GPM6A: variants seen among roughly 807,000 people sequenced by gnomAD.
GPM6A encodes the protein neuronal membrane glycoprotein M6-a.
GPM6A carries 7 observed loss-of-function variants against 32.1 expected under a neutral mutation model. The observed-to-expected ratio is 0.22, with a 90% CI of 0.12 to 0.41. GPM6A has a LOEUF of 0.41. Ranked by LOEUF, GPM6A falls within the 10% of genes least tolerant of loss-of-function variation. The pLI is 1.00. For synonymous variants in GPM6A, 130 were observed against 123.4 expected, an observed-to-expected ratio of 1.05 and a Z score of -0.35; for missense variants, 235 against 347.2, an observed-to-expected ratio of 0.68 and a Z score of 2.57.
At chr4:175,747,691 G>A (rs1393314806) in intron 1 of GPM6A, among the ~76,000 whole-genome samples, 1 of 152,172 alleles carries the variant, frequency 6.6e-6, no homozygotes, top group Admixed American at 6.6e-5. Flanking sequence ...TTTGCTGGTG[G>A]AGGGGCTTGC....
intron 1 of GPM6A, among the ~76,000 whole-genome samples, chr4:175,828,676 G>A (rs185742212): frequency 2.0e-3 from 304 of 152,146 alleles, no homozygotes; most frequent in Non-Finnish European, 3.7e-3. Context: ...ATCTGTGGAT[G>A]AACATTTGAA....
At chr4:175,721,587 G>A (rs1398788828) in intron 1 of GPM6A, among the ~76,000 whole-genome samples, 1 of 152,120 alleles carries the variant, frequency 6.6e-6, no homozygotes, top group Non-Finnish European at 1.5e-5. Flanking sequence ...ATAGTTTAAT[G>A]TTTTCCTCAA....
intron 1 of GPM6A, among the ~76,000 whole-genome samples, chr4:175,992,059 T>TACAC (rs1741164479): frequency 4.4e-5 from 2 of 45,288 alleles, no homozygotes; most frequent in South Asian, 6.4e-4. Context: ...CAAACACACA[T>TACAC]GCACACACAC....
intron 1 of GPM6A, among the ~76,000 whole-genome samples, chr4:175,919,846 C>T (rs1488737520): frequency 6.6e-6 from 1 of 152,146 alleles, no homozygotes; most frequent in Non-Finnish European, 1.5e-5. Flanking sequence ...CTCAGGACTC[C>T]CCTGTAATGG....
In GPM6A at chr4:175,636,260, G is replaced by GTATATATATA. The variant is rs34516159; in HGVS notation, c.685-1213_685-1204dup. Among the ~76,000 whole-genome samples the GTATATATATA allele has an allele frequency of 9.9e-3, 995 of 100,984 alleles. 59 individuals are homozygous for GTATATATATA. Among genetic ancestry groups the GTATATATATA allele is most frequent in the Middle Eastern group, 0.018 (3 of 164 alleles). The allele number at this position is 100,984 out of a possible 152,430, so 66.2% of individuals were successfully genotyped here. ...TTTACATAGTGAAAGCATAATCACT[G>GTATATATATA]TATATATATATATATATATATATAT... On this transcript the variant is annotated intron_variant, in intron 6 of 6. Transcript: ENST00000393658.
chr4:175,771,551 C>CAAAA (rs889739577), intron 1 of GPM6A, among the ~76,000 whole-genome samples: 1,648 of 66,510 alleles, frequency 0.025, 33 homozygotes, highest in Non-Finnish European at 0.043. Flanking sequence ...GACTCTGTCT[C>CAAAA]AAAAAAAAAA....
At chr4:175,958,855 C>G (rs1175586502) in intron 1 of GPM6A, among the ~76,000 whole-genome samples, 1 of 152,208 alleles carries the variant, frequency 6.6e-6, no homozygotes, top group Non-Finnish European at 1.5e-5. Context: ...AAAAGCTACT[C>G]AGATCCATTT....
chr4:175,815,565 A>C (rs1283187537), upstream of GPM6A, among the ~76,000 whole-genome samples: 2 of 151,768 alleles, frequency 1.3e-5, no homozygotes, highest in African/African-American at 4.8e-5. Context: ...TATTTGCCCC[A>C]TTCTACTCTT....
intron 2 of GPM6A, among the ~76,000 whole-genome samples, chr4:175,698,615 C>T (rs1432656922): frequency 1.3e-5 from 2 of 152,162 alleles, no homozygotes; most frequent in African/African-American, 4.8e-5. Flanking sequence ...TACATATTTT[C>T]CCTCTGTGTT....
intron 1 of GPM6A, among the ~76,000 whole-genome samples, chr4:175,996,838 G>C (rs1213775558): frequency 6.6e-6 from 1 of 151,924 alleles, no homozygotes; most frequent in Non-Finnish European, 1.5e-5. Flanking sequence ...CAATTAGTCG[G>C]CTACCCTCAA....
chr4:175,930,686 C>T (rs550621932), intron 1 of GPM6A, among the ~76,000 whole-genome samples: 2 of 152,140 alleles, frequency 1.3e-5, no homozygotes, highest in African/African-American at 4.8e-5. Flanking sequence ...AGACTTCTAT[C>T]AAGAATCCTG....
intron 1 of GPM6A, among the ~76,000 whole-genome samples, chr4:175,923,349 T>C (rs1353095038): frequency 2.7e-5 from 4 of 148,136 alleles, no homozygotes; most frequent in African/African-American, 1.0e-4. Context: ...TATGAGCACA[T>C]TGAATTTAGA....
At chr4:175,843,777 C>G (rs781027269) in intron 1 of GPM6A, among the ~76,000 whole-genome samples, 1 of 152,132 alleles carries the variant, frequency 6.6e-6, no homozygotes, top group Non-Finnish European at 1.5e-5. Flanking sequence ...GAAGCAATTT[C>G]CCTTGTAAAA....
chr4:175,998,750 ATAT>A (rs1372171577), intron 1 of GPM6A, among the ~76,000 whole-genome samples: 1 of 152,186 alleles, frequency 6.6e-6, no homozygotes, highest in African/African-American at 2.4e-5. Context: ...ATATCATATA[ATAT>A]TATTCCCAAA....
At chr4:175,823,990 T>G (rs1735355537) in intron 1 of GPM6A, among the ~76,000 whole-genome samples, 1 of 152,202 alleles carries the variant, frequency 6.6e-6, no homozygotes, top group Admixed American at 6.5e-5. Context: ...GTTCCTTTTT[T>G]TGTGAGTTAG....
chr4:175,638,306 T>G (rs1740933661), intron 6 of GPM6A, among the ~76,000 whole-genome samples: 1 of 151,896 alleles, frequency 6.6e-6, no homozygotes, highest in Non-Finnish European at 1.5e-5. Flanking sequence ...ATTTTACCTG[T>G]CTCCCAAGAC....
chr4:175,703,547 C>T (rs1461789263), intron 1 of GPM6A, among the ~76,000 whole-genome samples: 2 of 152,136 alleles, frequency 1.3e-5, no homozygotes, highest in African/African-American at 2.4e-5. Flanking sequence ...ATCATGGTCA[C>T]TTTTGGTTTT....
At chr4:175,695,875 G>A (rs1360177694) in intron 2 of GPM6A, among the ~76,000 whole-genome samples, 2 of 152,120 alleles carry the variant, frequency 1.3e-5, no homozygotes, top group African/African-American at 4.8e-5. Flanking sequence ...CCATTGTGGG[G>A]ACTGGTGGGA....
At chr4:175,810,956 A>C (rs1191204717) in intron 1 of GPM6A, among the ~76,000 whole-genome samples, 1 of 152,162 alleles carries the variant, frequency 6.6e-6, no homozygotes, top group Admixed American at 6.5e-5. Context: ...ATTATCATGA[A>C]TAAGGGTACT....
Sources: allele counts gnomAD v4.1 joint callset (sites outside exome capture counted in the v4.1 genomes callset), GRCh38; gene constraint gnomAD v4.1.1; transcripts MANE v1.5; gene names NCBI Gene and HGNC (gene_info 2026-07-23, HGNC 2026-07-21).